GPLD1: variants seen among roughly 807,000 people sequenced by gnomAD.
The protein encoded by GPLD1 is phosphatidylinositol-glycan-specific phospholipase D.
Under a neutral mutation model 112.6 loss-of-function variants are expected in GPLD1, and 84 were observed. The observed-to-expected ratio is 0.75, with a 90% confidence interval of 0.63 to 0.89. The LOEUF (loss-of-function observed/expected upper bound fraction) is 0.89. GPLD1 is among the 40% of genes least tolerant of loss of function. The pLI, the probability that GPLD1 is intolerant of heterozygous loss-of-function variation, is 0.00. For missense variants in GPLD1, 1,044 were observed against 1,051.5 expected, an observed-to-expected ratio of 0.99 and a Z score of 0.10; for synonymous variants, 386 against 403.8, an observed-to-expected ratio of 0.96 and a Z score of 0.53.
intron 2 of GPLD1, among the ~76,000 whole-genome samples, chr6:24,480,481 C>T (rs1033503598): frequency 6.7e-6 from 1 of 149,842 alleles, no homozygotes; most frequent in African/African-American, 2.5e-5. Flanking sequence ...AGCCACCATA[C>T]CTGGCCCACA....
chr6:24,457,603 C>T (rs2127346213), intron 12 of GPLD1, among the ~76,000 whole-genome samples: 1 of 152,216 alleles, frequency 6.6e-6, no homozygotes, highest in South Asian at 2.1e-4. Context: ...TCCAGACCGG[C>T]CAGGCGTGGT....
At chr6:24,431,994 G>C (rs536701011) in intron 24 of GPLD1, among the ~76,000 whole-genome samples, 68 of 151,938 alleles carry the variant, frequency 4.5e-4, no homozygotes, top group African/African-American at 1.5e-3. Context: ...GTCTGTAATA[G>C]CCAAAAAAAA....
At chr6:24,456,853 CAG>C (rs1182160227) in intron 12 of GPLD1, among the ~76,000 whole-genome samples, 2 of 152,252 alleles carry the variant, frequency 1.3e-5, no homozygotes, top group Admixed American at 1.3e-4. Flanking sequence ...TGAGGGATGG[CAG>C]AGTTACAGCC....
In GPLD1 at chr6:24,456,548, GGA is replaced by G; in HGVS notation, c.1096_1097del (p.Ser366GlnfsTer23). 6.2e-7 allele frequency: 1 copy of G among 1,610,028 alleles called. No individual in the cohort carries two copies. The highest frequency in any genetic ancestry group is 1.7e-4 in the Middle Eastern group (1 of 6,058). On this transcript the variant is annotated frameshift_variant, in exon 13 of 25. Transcript: ENST00000230036. LOFTEE classifies it high-confidence loss of function. ...ACAAGAAGTAAGATGCTAAGGGGCT[GGA>G]GACGTGCTTTTGTGACAACTGAGAG... is the stretch of plus-strand genomic sequence containing the variant. ...GGSQLSQKHV[S>X]SPLASYFLSF...
intron 1 of GPLD1, among the ~76,000 whole-genome samples, chr6:24,488,487 C>T (rs1188648418): frequency 6.6e-6 from 1 of 151,996 alleles, no homozygotes; most frequent in Non-Finnish European, 1.5e-5. Flanking sequence ...AATGTTATCA[C>T]AGCTAATTCT....
At chr6:24,493,306 T>C (rs1459947637), upstream of GPLD1, among the ~76,000 whole-genome samples, 1 of 152,068 alleles carries the variant, frequency 6.6e-6, no homozygotes, top group Non-Finnish European at 1.5e-5. Flanking sequence ...TGAAAACCTG[T>C]CTCTACTAAA....
At chr6:24,425,811 CT>C (rs2127301741), downstream of GPLD1, 1 of 152,332 alleles carries the variant, frequency 6.6e-6, no homozygotes, top group South Asian at 2.1e-4. Flanking sequence ...TGAACACAGA[CT>C]GTTAAGCAGC....
intron 17 of GPLD1, among the ~76,000 whole-genome samples, chr6:24,447,543 C>T (rs112785888): frequency 4.8e-4 from 73 of 151,906 alleles, no homozygotes; most frequent in African/African-American, 1.6e-3. Context: ...ACAATAACAA[C>T]AACAACAACA....
At chr6:24,459,778 A>G (rs1456232351) in intron 12 of GPLD1, among the ~76,000 whole-genome samples, 1 of 152,242 alleles carries the variant, frequency 6.6e-6, no homozygotes, top group African/African-American at 2.4e-5. Context: ...TGAGCCTTCA[A>G]CATTGTGAAC....
At chr6:24,442,412 C>T (rs1368895762) in intron 20 of GPLD1, among the ~76,000 whole-genome samples, 1 of 140,008 alleles carries the variant, frequency 7.1e-6, no homozygotes, top group African/African-American at 2.6e-5. Context: ...CATGCCACCA[C>T]ATCTGGCTAA....
chr6:24,437,105 T>C lies in GPLD1; in HGVS notation c.2197+8A>G. ...AATTCTTGTCAAAGGGTCCTGTTCC[T>C]TTCTTACCTAAGCCATCATCATCCA... On this transcript the variant is annotated splice_region_variant and intron_variant, in intron 21 of 24. Coordinates refer to ENST00000230036, the MANE Select transcript of GPLD1 (RefSeq NM_001503.4). The C allele has an allele frequency of 1.2e-6, 2 of 1,613,502 alleles. No individual in the cohort carries two copies. Among genetic ancestry groups the C allele is most frequent in the Non-Finnish European group, 1.7e-6 (2 of 1,179,418 alleles).
intron 20 of GPLD1, 59 bp from the exon 21 acceptor site, chr6:24,437,348 A>C: frequency 1.4e-6 from 2 of 1,471,248 alleles, no homozygotes; most frequent in Non-Finnish European, 1.9e-6. Flanking sequence ...CAGAACACGG[A>C]ATAGCACCCC....
chr6:24,485,487 A>AT (rs35272459), intron 2 of GPLD1, among the ~76,000 whole-genome samples: 47,281 of 151,928 alleles, frequency 0.31, 7,581 homozygotes, highest in Non-Finnish European at 0.34. Flanking sequence ...TTTCTCAAGT[A>AT]TTTTTTCAAA....
intron 5 of GPLD1, 94 bp from the exon 6 acceptor site, chr6:24,473,761 A>C: frequency 1.4e-6 from 1 of 721,034 alleles, no homozygotes; most frequent in South Asian, 1.7e-5. Flanking sequence ...ATGACAGCTA[A>C]CTCAATGAAC....
intron 20 of GPLD1, among the ~76,000 whole-genome samples, chr6:24,445,019 ATTTTATTTTAT>A (rs922084419): frequency 4.4e-5 from 6 of 134,894 alleles, no homozygotes; most frequent in Admixed American, 7.1e-5. Flanking sequence ...ATTTTATCTT[ATTTTATTTTAT>A]TTTTATTTTA....
At chr6:24,429,608 T>C (rs142777573) in intron 24 of GPLD1, among the ~76,000 whole-genome samples, 18,249 of 152,266 alleles carry the variant, frequency 0.12, 1,434 homozygotes, top group East Asian at 0.16. Flanking sequence ...AGTGCAGTGA[T>C]GTGATCTCAG....
chr6:24,446,917 C>T lies in GPLD1; in HGVS notation c.1741G>A (p.Gly581Arg). ...VRGEEDFSWF[G>R]YSLHGVTVDN... is the part of the protein sequence containing the mutation. ...ACAGTGACACCGTGAAGGGAATATC[C>T]AAACCAGGAGAAGTCTTCCTCGCCT... Residue 581 changes from glycine (G) to arginine (R), a missense_variant, in exon 18 of 25, where the codon GGA becomes AGA. By Grantham distance (125) the Gly-to-Arg change is moderately radical. Transcript: ENST00000230036. 6.2e-7 allele frequency: 1 copy of T among 1,613,956 alleles called. No homozygotes were observed. Among genetic ancestry groups the T allele is most frequent in the Admixed American group, 1.7e-5 (1 of 60,006 alleles).
At chr6:24,430,198 C>T (rs961724720) in intron 24 of GPLD1, among the ~76,000 whole-genome samples, 2 of 152,220 alleles carry the variant, frequency 1.3e-5, no homozygotes, top group African/African-American at 4.8e-5. Flanking sequence ...CCCTCTCTTT[C>T]CCAATTTATG....
Position 24,427,567 on chromosome 6 carries a change from CAGG to C in GPLD1, c.*1462_*1464del, listed in dbSNP as rs1762275518. Among the ~76,000 whole-genome samples, 1 of 152,086 alleles carries C rather than the reference CAGG, an allele frequency of 6.6e-6. No individual in the cohort carries two copies. Among genetic ancestry groups the C allele is most frequent in the Non-Finnish European group, 1.5e-5 (1 of 68,014 alleles). ...TCCTCATTAAGAAAGGATTATCGGC[CAGG>C]TCCTGTGGCTCACACATGTAATCCC... On this transcript the variant is annotated 3_prime_UTR_variant, in exon 25 of 25. Transcript: ENST00000230036.
Sources: allele counts gnomAD v4.1 joint callset (sites outside exome capture counted in the v4.1 genomes callset), GRCh38; gene constraint gnomAD v4.1.1; transcripts MANE v1.5; gene names NCBI Gene and HGNC (gene_info 2026-07-23, HGNC 2026-07-21).